The following PSKH1 variants were observed in gnomAD, a reference collection of about 807,000 sequenced individuals.
PSKH1 encodes the protein serine/threonine-protein kinase H1.
A neutral mutation model predicts 26.7 loss-of-function variants in PSKH1; 12 were observed. The observed-to-expected ratio is 0.45, with a 90% CI of 0.29 to 0.73. PSKH1 has a LOEUF of 0.73. Ranked by LOEUF, PSKH1 falls within the 30% of genes least tolerant of loss-of-function variation. PSKH1 has a pLI of 0.11. For synonymous variants in PSKH1, 213 were observed against 234.3 expected (o/e 0.91, Z 0.83); for missense variants, 431 against 595.2 (o/e 0.72, Z 2.87).
chr16:67,903,510 C>T (rs1156424642), intron 1 of PSKH1, among the ~76,000 whole-genome samples: 1 of 152,044 alleles, frequency 6.6e-6, no homozygotes, highest in African/African-American at 2.4e-5. Flanking sequence ...CTCTTTTGCC[C>T]AGGCTGGAGT....
chr16:67,909,337 G>C lies in PSKH1; in HGVS notation c.588G>C (p.Thr196=). 1 of 1,613,972 alleles carries C rather than the reference G, an allele frequency of 6.2e-7. No individual in the cohort carries two copies. The highest frequency in any genetic ancestry group is 2.2e-5 in the East Asian group (1 of 44,864). Residue 196 remains threonine, a synonymous_variant, in exon 2 of 3, where the codon ACG becomes ACC. Coordinates refer to ENST00000291041, the MANE Select transcript of PSKH1 (RefSeq NM_006742.3). This position sits in a 1 kb window ranked among gnomAD's most constrained non-coding sequence, Gnocchi z 7.8. The stretch of plus-strand genomic sequence containing the variant: ...GCTCCTTCACCGAGCGTGACGCCAC[G>C]CGGGTGCTGCAGATGGTGCTGGATG... ...AKGSFTERDA[T]RVLQMVLDGV... is the part of the protein sequence containing the mutation.
intron 1 of PSKH1, among the ~76,000 whole-genome samples, chr16:67,903,660 A>G (rs563944378): frequency 4.6e-5 from 7 of 151,816 alleles, no homozygotes; most frequent in South Asian, 4.2e-4. Flanking sequence ...TGCACCCCAC[A>G]CATCCAAAAC....
intron 1 of PSKH1, among the ~76,000 whole-genome samples, chr16:67,904,821 ATTTTTTTT>A (rs942779122): frequency 2.6e-5 from 3 of 115,942 alleles, no homozygotes; most frequent in Non-Finnish European, 3.6e-5. Flanking sequence ...TCCTTTTTTA[ATTTTTTTT>A]TTTTTTTTTT....
chr16:67,911,139 T>C (rs868432354), intron 2 of PSKH1, among the ~76,000 whole-genome samples: 13 of 152,270 alleles, frequency 8.5e-5, no homozygotes, highest in African/African-American at 2.9e-4. Context: ...GTGTCGGCTT[T>C]ATGTGGGAGG....
chr16:67,909,125 A>G lies in PSKH1; in HGVS notation c.376A>G (p.Ile126Val), dbSNP rs1318348259. ...CCGGGCAACCCGGCAGCCGTATGCC[A>G]TCAAGATGATTGAGACCAAGTACCG... ...EHRATRQPYA[I>V]KMIETKYREG... The change falls in exon 2 of 3, where the codon ATC becomes GTC. Residue 126 changes from isoleucine (I) to valine (V), a missense_variant. Transcript: ENST00000291041. The surrounding 1 kb of genome is among the most constrained non-coding windows in gnomAD (Gnocchi z 7.8). 2 of 1,614,052 alleles carry G rather than the reference A, an allele frequency of 1.2e-6. No homozygotes were observed. The highest frequency in any genetic ancestry group is 1.7e-6 in the Non-Finnish European group (2 of 1,180,040).
intron 1 of PSKH1, among the ~76,000 whole-genome samples, chr16:67,894,921 G>GTTTT (rs553685060): frequency 1.1e-4 from 13 of 123,058 alleles, no homozygotes; most frequent in Non-Finnish European, 1.9e-4. Context: ...GTCTGAGTTA[G>GTTTT]TTTTTTTTTT....
intron 1 of PSKH1, among the ~76,000 whole-genome samples, chr16:67,894,466 C>T (rs2058120550): frequency 6.6e-6 from 1 of 152,210 alleles, no homozygotes; most frequent in Non-Finnish European, 1.5e-5. Context: ...TTAGATAACG[C>T]AGTTTTCTCA....
intron 2 of PSKH1, among the ~76,000 whole-genome samples, chr16:67,923,576 G>A (rs570767534): frequency 2.0e-5 from 3 of 152,318 alleles, no homozygotes; most frequent in East Asian, 1.9e-4. Context: ...GAGTCTGGGC[G>A]TAGAGCCAGC....
Position 67,908,698 on chromosome 16 carries a change from C to A in PSKH1, c.-52C>A. ...TGTGTAGGTGTAGACGGGGCACTGC[C>A]TTCAGAGCAGGTCCTGCCAGCCTCG... On this transcript the variant is annotated 5_prime_UTR_variant, in exon 2 of 3. Coordinates refer to ENST00000291041, the MANE Select transcript of PSKH1 (RefSeq NM_006742.3). The A allele has an allele frequency of 6.7e-7, 1 of 1,494,570 alleles. No homozygotes were observed. Among genetic ancestry groups the A allele is most frequent in the South Asian group, 1.3e-5 (1 of 79,140 alleles). The allele number at this position is 1,494,570 out of a possible 1,614,324, so 92.6% of individuals were successfully genotyped here. A position where few individuals can be genotyped will look rare whatever the true frequency, so the allele number is the denominator to read the frequency against.
intron 2 of PSKH1, among the ~76,000 whole-genome samples, chr16:67,917,219 G>T (rs2058190333): frequency 6.6e-6 from 1 of 152,228 alleles, no homozygotes; most frequent in South Asian, 2.1e-4. Context: ...GGATGGTGAG[G>T]TTACATAACT....
chr16:67,897,586 T>C (rs1306175716), intron 1 of PSKH1, among the ~76,000 whole-genome samples: 1 of 152,194 alleles, frequency 6.6e-6, no homozygotes, highest in African/African-American at 2.4e-5. Context: ...TTTTTGTTTG[T>C]CGCAATCTCT....
intron 1 of PSKH1, among the ~76,000 whole-genome samples, chr16:67,901,949 A>G (rs2058143211): frequency 6.6e-6 from 1 of 152,064 alleles, no homozygotes; most frequent in Admixed American, 6.6e-5. Flanking sequence ...TGATCCCTGT[A>G]GGTTTTATTT....
intron 2 of PSKH1, among the ~76,000 whole-genome samples, chr16:67,925,774 A>G: frequency 6.6e-6 from 1 of 152,052 alleles, no homozygotes; most frequent in East Asian, 1.9e-4. Context: ...ACTTGGAATA[A>G]CCTTCCAAAG....
At chr16:67,900,633 G>C (rs919106555) in intron 1 of PSKH1, among the ~76,000 whole-genome samples, 2 of 152,144 alleles carry the variant, frequency 1.3e-5, no homozygotes, top group Non-Finnish European at 2.9e-5. Flanking sequence ...GGCTTTGGAC[G>C]AGTCTCTTTA....
chr16:67,899,658 A>AT (rs1567396975), intron 1 of PSKH1, among the ~76,000 whole-genome samples: 2 of 132,582 alleles, frequency 1.5e-5, no homozygotes, highest in African/African-American at 5.8e-5. Context: ...TTATTTATTT[A>AT]TTTTTTTGAG....
chr16:67,915,194 T>TGA (rs746946734), intron 2 of PSKH1, among the ~76,000 whole-genome samples: 2,371 of 144,646 alleles, frequency 0.016, 32 homozygotes, highest in South Asian at 0.038. Flanking sequence ...AGTGAGTGAG[T>TGA]GAGAGAGAGA....
At chr16:67,915,696 C>T (rs946414661) in intron 2 of PSKH1, among the ~76,000 whole-genome samples, 37 of 152,144 alleles carry the variant, frequency 2.4e-4, no homozygotes, top group Non-Finnish European at 1.9e-4. Context: ...CTCCTTCCAG[C>T]CACTCACTTC....
intron 2 of PSKH1, among the ~76,000 whole-genome samples, chr16:67,911,713 C>T (rs935710372): frequency 3.3e-5 from 5 of 152,230 alleles, no homozygotes; most frequent in African/African-American, 9.6e-5. Context: ...CCAACAGCCT[C>T]ACACCACTTA....
At chr16:67,920,097 C>T (rs2151314437) in intron 2 of PSKH1, among the ~76,000 whole-genome samples, 1 of 152,260 alleles carries the variant, frequency 6.6e-6, no homozygotes, top group Middle Eastern at 3.4e-3. Context: ...CACTCAGAGC[C>T]ATCCCTGGTG....
Sources: gnomAD v4.1 joint callset for allele counts (sites outside exome capture counted in the v4.1 genomes callset) on GRCh38, gnomAD v4.1.1 for gene constraint, Gnocchi (gnomAD v3.1) non-coding constraint, MANE v1.5 for transcripts, NCBI Gene and HGNC (gene_info 2026-07-23, HGNC 2026-07-21) for gene names.